Variants in ATF3 observed in about 807,000 individuals in gnomAD.
The protein encoded by ATF3 is activating transcription factor 3, also known as cyclic AMP-dependent transcription factor ATF-3.
Under a neutral mutation model 18.4 loss-of-function variants are expected in ATF3, and 10 were observed. The ratio of observed to expected loss-of-function variants is 0.54; its 90% CI spans 0.34 to 0.92. ATF3 has a LOEUF of 0.92. Ranked by LOEUF, ATF3 falls within the 40% of genes least tolerant of loss-of-function variation. The pLI is 0.02. For missense variants in ATF3, 183 were observed against 222.3 expected (o/e 0.82, Z 1.12); for synonymous variants, 78 against 87.9 (o/e 0.89, Z 0.63).
At chr1:212,594,902 G>T (rs144763191) in intron 1 of ATF3, among the ~76,000 whole-genome samples, 1 of 152,246 alleles carries the variant, frequency 6.6e-6, no homozygotes, top group East Asian at 1.9e-4. Flanking sequence ...CTGGCCACCT[G>T]GACTTAGCAT....
At chr1:212,601,598 G>A (rs188882261) in intron 1 of ATF3, among the ~76,000 whole-genome samples, 5 of 152,242 alleles carry the variant, frequency 3.3e-5, no homozygotes, top group Admixed American at 6.5e-5. Context: ...CTGTAAAACC[G>A]AGATAAAAAA....
At chr1:212,600,490 C>A (rs1654451054) in intron 1 of ATF3, among the ~76,000 whole-genome samples, 2 of 152,354 alleles carry the variant, frequency 1.3e-5, no homozygotes, top group South Asian at 4.1e-4. Context: ...GTGGGTCTGG[C>A]ATGTGCCTGG....
chr1:212,615,662 G>A (rs1243173946), intron 2 of ATF3, among the ~76,000 whole-genome samples: 1 of 151,696 alleles, frequency 6.6e-6, no homozygotes, highest in Non-Finnish European at 1.5e-5. Flanking sequence ...TATTAGCTGG[G>A]CAAGGTGGTA....
At chr1:212,610,208 A>G (rs1654839413) in intron 1 of ATF3, among the ~76,000 whole-genome samples, 1 of 152,012 alleles carries the variant, frequency 6.6e-6, no homozygotes, top group African/African-American at 2.4e-5. Context: ...CCCTAATTTC[A>G]TTGCATAGGT....
intron 1 of ATF3, among the ~76,000 whole-genome samples, chr1:212,599,415 C>A (rs556113298): frequency 1.4e-4 from 22 of 152,244 alleles, no homozygotes; most frequent in South Asian, 4.1e-4. Context: ...ATATTGTTAT[C>A]CAAAGCCTGA....
chr1:212,610,902 T>C (rs1654869167), intron 1 of ATF3, among the ~76,000 whole-genome samples: 1 of 152,246 alleles, frequency 6.6e-6, no homozygotes, highest in Admixed American at 6.5e-5. Context: ...ACCAGCTTTA[T>C]GACCTCAGGC....
rs1558243751 is a variant in ATF3 at position 212,619,941 on chromosome 1, C to T, written c.*386C>T. 7.1e-6 allele frequency: 2 copies of T among 280,736 alleles called. No individual in the cohort carries two copies. Among genetic ancestry groups the T allele is most frequent in the Non-Finnish European group, 1.4e-5 (2 of 142,306 alleles). 17.4% of individuals were successfully genotyped at this position (280,736 alleles called of 1,614,324 possible). On this transcript the variant is annotated 3_prime_UTR_variant, in exon 4 of 4. Transcript: ENST00000341491. This position sits in a 1 kb window ranked among gnomAD's most constrained non-coding sequence, Gnocchi z 4.4. ...GGAGGGATGGGGCCATCTCCTTCAC[C>T]GTGGCTACCATTGTCACTCGTAGGG... is the stretch of plus-strand genomic sequence containing the variant.
At chr1:212,603,981 T>C (rs1295787721), upstream of ATF3, among the ~76,000 whole-genome samples, 1 of 152,236 alleles carries the variant, frequency 6.6e-6, no homozygotes, top group Non-Finnish European at 1.5e-5. Flanking sequence ...GGAAACACAC[T>C]ACAGTGTTAA....
intron 1 of ATF3, among the ~76,000 whole-genome samples, chr1:212,566,193 A>G (rs1245774906): frequency 6.6e-6 from 1 of 152,120 alleles, no homozygotes; most frequent in Non-Finnish European, 1.5e-5. Context: ...TGGGCAAGTC[A>G]TTGTTTCTCT....
chr1:212,566,520 G>T (rs931004648), intron 1 of ATF3, among the ~76,000 whole-genome samples: 5 of 152,144 alleles, frequency 3.3e-5, no homozygotes, highest in African/African-American at 1.2e-4. Context: ...GGCAGGTGGG[G>T]TAAGGCAGGC....
chr1:212,604,681 G>T (rs575193283), upstream of ATF3, among the ~76,000 whole-genome samples: 20 of 152,316 alleles, frequency 1.3e-4, no homozygotes, highest in East Asian at 3.9e-3. Context: ...CTTAGGGAAA[G>T]TTGCCAGAAG....
chr1:212,600,694 G>A (rs926903180), intron 1 of ATF3, among the ~76,000 whole-genome samples: 2 of 152,236 alleles, frequency 1.3e-5, no homozygotes, highest in African/African-American at 2.4e-5. Flanking sequence ...CCTGGGCAGA[G>A]CCGTCCTGCC....
At chr1:212,605,951 T>C (rs1414481379), upstream of ATF3, among the ~76,000 whole-genome samples, 2 of 152,214 alleles carry the variant, frequency 1.3e-5, no homozygotes, top group Non-Finnish European at 2.9e-5. Flanking sequence ...GAGACAGCCA[T>C]TCTTTTGTTT....
In ATF3 at chr1:212,618,005, G is replaced by A. The variant is rs183591611; in HGVS notation, c.241-122G>A. 184 of 846,484 alleles carry A rather than the reference G, an allele frequency of 2.2e-4. No individual in the cohort carries two copies. Among genetic ancestry groups the A allele is most frequent in the Middle Eastern group, 1.7e-3 (7 of 4,120 alleles). 52.4% of individuals were successfully genotyped at this position (846,484 alleles called of 1,614,324 possible). On this transcript the variant is annotated intron_variant, in intron 2 of 3. Coordinates refer to ENST00000341491, the MANE Select transcript of ATF3 (RefSeq NM_001674.4). The surrounding 1 kb of genome is among the most constrained non-coding windows in gnomAD (Gnocchi z 4.4). ...CAAAAGTCTAGAGCTTTAGTATTTC[G>A]GGGTCTTTTAGCGCTAGCATTGCCC...
chr1:212,616,661 C>T (rs1028337728), intron 2 of ATF3, among the ~76,000 whole-genome samples: 7 of 152,126 alleles, frequency 4.6e-5, no homozygotes, highest in African/African-American at 1.7e-4. Flanking sequence ...AGGGGTAAGA[C>T]AGAAGCTGAG....
intron 1 of ATF3, among the ~76,000 whole-genome samples, chr1:212,585,367 C>T (rs1038428702): frequency 6.6e-6 from 1 of 152,206 alleles, no homozygotes; most frequent in Non-Finnish European, 1.5e-5. Context: ...TGAATCCCTT[C>T]CTGCCTCAGG....
In ATF3 at chr1:212,615,093, C is replaced by T. The variant is rs148364357; in HGVS notation, c.72C>T (p.Ser24=). ...CTTCTGCCATCGTCCCCTGCCTGTC[C>T]CCTCCTGGGTCACTGGTGTTTGAGG... ...VSASAIVPCL[S]PPGSLVFEDF... is the part of the protein sequence containing the mutation. The change falls in exon 2 of 4, where the codon TCC becomes TCT. Residue 24 remains serine (S), a synonymous_variant. Transcript: ENST00000341491. 1.3e-4 allele frequency: 205 copies of T among 1,614,158 alleles called. No individual in the cohort carries two copies. The African/African-American group carries it at 2.5e-3, about 19-fold the overall frequency.
In ATF3 at chr1:212,619,712, C is replaced by T. The variant is rs1235301153; in HGVS notation, c.*157C>T. On this transcript the variant is annotated 3_prime_UTR_variant, in exon 4 of 4. Transcript: ENST00000341491. This position sits in a 1 kb window ranked among gnomAD's most constrained non-coding sequence, Gnocchi z 4.4. Reference sequence around the variant, plus strand: ...GAGGGCCTGCAGTGATTCAGCAGGCCCTTCCCATTCTGCCCCAGAGTGGGT... The same window carrying T: ...GAGGGCCTGCAGTGATTCAGCAGGCTCTTCCCATTCTGCCCCAGAGTGGGT... The T allele has an allele frequency of 2.0e-6, 2 of 985,708 alleles. No homozygotes were observed. Among genetic ancestry groups the T allele is most frequent in the East Asian group, 2.8e-5 (1 of 35,840 alleles). The allele number at this position is 985,708 out of a possible 1,614,324, so 61.1% of individuals were successfully genotyped here.
chr1:212,566,852 G>T (rs1167138271), intron 1 of ATF3, among the ~76,000 whole-genome samples: 1 of 152,086 alleles, frequency 6.6e-6, no homozygotes, highest in Non-Finnish European at 1.5e-5. Flanking sequence ...GCACTGCTTG[G>T]CATCACTTCC....
Sources: gnomAD v4.1 joint callset for allele counts (sites outside exome capture counted in the v4.1 genomes callset) on GRCh38, gnomAD v4.1.1 for gene constraint, Gnocchi (gnomAD v3.1) non-coding constraint, MANE v1.5 for transcripts, NCBI Gene and HGNC (gene_info 2026-07-23, HGNC 2026-07-21) for gene names.